Variants in FRAS1 observed in about 807,000 individuals in gnomAD.
FRAS1 encodes the protein extracellular matrix organizing protein FRAS1.
In FRAS1, 290 loss-of-function variants were observed where a neutral mutation model predicts 435.2. That is an observed-to-expected ratio of 0.67 (90% CI 0.61 to 0.73). The LOEUF is 0.73. FRAS1 is among the 30% of genes least tolerant of loss of function. The pLI, the probability that FRAS1 is intolerant of heterozygous loss-of-function variation, is 0.00. For missense variants in FRAS1, 4,860 were observed against 5,001.5 expected, an observed-to-expected ratio of 0.97 and a Z score of 0.85; for synonymous variants, 1,800 against 1,851.0, an observed-to-expected ratio of 0.97 and a Z score of 0.71.
chr4:78,231,294 T>TTATA (rs569427721), intron 2 of FRAS1, among the ~76,000 whole-genome samples: 1 of 150,276 alleles, frequency 6.7e-6, no homozygotes, highest in Non-Finnish European at 1.5e-5. Context: ...ATCACATAAA[T>TTATA]TATATATATA....
intron 2 of FRAS1, among the ~76,000 whole-genome samples, chr4:78,231,712 A>G (rs965892886): frequency 1.3e-5 from 2 of 152,004 alleles, no homozygotes; most frequent in Non-Finnish European, 2.9e-5. Context: ...TTAAAGATAT[A>G]TTTATTGTTT....
At chr4:78,409,698 T>TA (rs1291064358) in intron 31 of FRAS1, among the ~76,000 whole-genome samples, 3 of 152,204 alleles carry the variant, frequency 2.0e-5, no homozygotes, top group Non-Finnish European at 4.4e-5. Context: ...TAAGCACAGA[T>TA]ACCAAGAAGA....
chr4:78,447,884 C>CTA (rs1718902884), intron 43 of FRAS1, among the ~76,000 whole-genome samples, 169 bp from the exon 44 acceptor site: 1 of 152,190 alleles, frequency 6.6e-6, no homozygotes. Flanking sequence ...GGCCACAGAG[C>CTA]AGCACCCTGT....
intron 14 of FRAS1, among the ~76,000 whole-genome samples, chr4:78,305,802 C>T (rs13134483): frequency 0.27 from 40,655 of 149,678 alleles, 6,292 homozygotes; most frequent in Admixed American, 0.35. Flanking sequence ...CTGATGGGTC[C>T]TGACTCTTTA....
intron 2 of FRAS1, among the ~76,000 whole-genome samples, chr4:78,138,000 AGTG>A (rs1466415500): frequency 6.6e-6 from 1 of 152,194 alleles, no homozygotes; most frequent in Non-Finnish European, 1.5e-5. Flanking sequence ...TCATGTTATT[AGTG>A]GTCGGGTGCA....
chr4:78,419,912 C>T (rs917373466), intron 33 of FRAS1, among the ~76,000 whole-genome samples: 7 of 152,146 alleles, frequency 4.6e-5, no homozygotes, highest in African/African-American at 1.4e-4. Context: ...CTCACTCACT[C>T]ACTATCACCA....
chr4:78,168,706 T>TG (rs1181226753), intron 2 of FRAS1, among the ~76,000 whole-genome samples: 5 of 152,078 alleles, frequency 3.3e-5, no homozygotes, highest in South Asian at 2.1e-4. Context: ...CTGTGATAAT[T>TG]TTTTTCCCTA....
chr4:78,424,869 A>G (rs6533661), intron 35 of FRAS1, among the ~76,000 whole-genome samples: 87,074 of 151,776 alleles, frequency 0.57, 25,326 homozygotes, highest in Non-Finnish European at 0.62. Context: ...GGTCAAGGCT[A>G]GAGTGAGCTA....
chr4:78,438,665 G>C lies in FRAS1; in HGVS notation c.5313G>C (p.Glu1771Asp), dbSNP rs1194823218. ...LLRISGSEVEELSEVSNFTME... is the reference protein window; with the variant it reads ...LLRISGSEVEDLSEVSNFTME... ...GAATCTCAGGATCTGAGGTGGAAGA[G>C]CTCTCAGAAGTTTCCAATTTCACAA... is the stretch of plus-strand genomic sequence containing the variant. The change falls in exon 39 of 74, where the codon GAG (glutamate) becomes GAC (aspartate). Residue 1771 changes from glutamate to aspartate, a missense_variant. By Grantham distance (45) the Glu-to-Asp change is conservative (BLOSUM62 2). Transcript: ENST00000512123. 3 of 1,612,342 alleles carry C rather than the reference G, an allele frequency of 1.9e-6. No homozygotes were observed. In the South Asian group the frequency reaches 3.3e-5, roughly 18 times the overall value.
chr4:78,212,147 AT>A (rs1173575367), intron 2 of FRAS1, among the ~76,000 whole-genome samples: 2 of 152,180 alleles, frequency 1.3e-5, no homozygotes, highest in Non-Finnish European at 1.5e-5. Context: ...ATTGTGAATA[AT>A]TTTGCAGTGA....
intron 41 of FRAS1, among the ~76,000 whole-genome samples, chr4:78,442,835 C>T (rs1367523247): frequency 6.6e-6 from 1 of 152,206 alleles, no homozygotes; most frequent in Non-Finnish European, 1.5e-5. Context: ...TGTGAATCTG[C>T]ATTTCTCATT....
intron 2 of FRAS1, among the ~76,000 whole-genome samples, chr4:78,226,522 C>CTT (rs879360957): frequency 7.0e-6 from 1 of 142,308 alleles, no homozygotes; most frequent in African/African-American, 2.6e-5. Context: ...TGAGTTCCAT[C>CTT]TTTTTTTTTT....
At chr4:78,403,640 T>A (rs1455098023) in intron 30 of FRAS1, among the ~76,000 whole-genome samples, 1 of 152,192 alleles carries the variant, frequency 6.6e-6, no homozygotes, top group Non-Finnish European at 1.5e-5. Context: ...AAATTGCTTG[T>A]ATAGTATGTG....
chr4:78,200,618 A>G (rs1723009080), intron 2 of FRAS1, among the ~76,000 whole-genome samples: 1 of 152,098 alleles, frequency 6.6e-6, no homozygotes, highest in Admixed American at 6.5e-5. Flanking sequence ...TCTATTCAAG[A>G]AAGTAAAATA....
At chr4:78,280,073 AG>A (rs1727257144) in intron 10 of FRAS1, among the ~76,000 whole-genome samples, 3 of 152,248 alleles carry the variant, frequency 2.0e-5, no homozygotes, top group African/African-American at 7.2e-5. Flanking sequence ...ACAGTTTCAT[AG>A]AAAGATTTAT....
chr4:78,393,618 A>AGG (rs1732537851), intron 29 of FRAS1, among the ~76,000 whole-genome samples: 1 of 151,942 alleles, frequency 6.6e-6, no homozygotes, highest in African/African-American at 2.4e-5. Context: ...GATTTCCTTC[A>AGG]CTTTTAAGGC....
chr4:78,170,958 C>T (rs1721525302), intron 2 of FRAS1, among the ~76,000 whole-genome samples: 1 of 151,750 alleles, frequency 6.6e-6, no homozygotes, highest in Non-Finnish European at 1.5e-5. Flanking sequence ...CCATTCCACT[C>T]TCTCTCTCTC....
chr4:78,174,948 G>A (rs949582334), intron 2 of FRAS1, among the ~76,000 whole-genome samples: 1 of 152,196 alleles, frequency 6.6e-6, no homozygotes, highest in African/African-American at 2.4e-5. Context: ...TCATGCACAG[G>A]CTGCGGTATT....
At chr4:78,267,478 A>T in intron 9 of FRAS1, 46 bp downstream of exon 9, 1 of 1,569,006 alleles carries the variant, frequency 6.4e-7, no homozygotes, top group Non-Finnish European at 8.7e-7. Flanking sequence ...AGCTCTTTCC[A>T]ACGGGATAGT....
Sources: allele counts gnomAD v4.1 joint callset (sites outside exome capture counted in the v4.1 genomes callset), GRCh38; gene constraint gnomAD v4.1.1; transcripts MANE v1.5; gene names NCBI Gene and HGNC (gene_info 2026-07-23, HGNC 2026-07-21).